PINX1: variants seen among roughly 807,000 people sequenced by gnomAD.
PINX1 encodes the protein PIN2/TERF1-interacting telomerase inhibitor 1.
In PINX1, 34 loss-of-function variants were observed where a neutral mutation model predicts 25.4. That is an observed-to-expected ratio of 1.34 (90% confidence interval 1.02 to 1.78). The LOEUF (loss-of-function observed/expected upper bound fraction) is 1.78, where lower values mean the gene tolerates loss of function less well. Among genes scored for constraint, PINX1 ranks in the 40% most tolerant of loss-of-function variants. The probability of loss-of-function intolerance (pLI) is 0.00; values close to 1 mark genes in which losing one functional copy is unlikely to be tolerated. For synonymous variants in PINX1, 197 were observed against 147.7 expected (o/e 1.33, Z -2.42); for missense variants, 592 against 404.9 (o/e 1.46, Z -3.97).
intron 4 of PINX1, among the ~76,000 whole-genome samples, chr8:10,827,830 G>C (rs1284118131): frequency 6.8e-6 from 1 of 146,316 alleles, no homozygotes; most frequent in Non-Finnish European, 1.5e-5. Flanking sequence ...AGAATGGCGT[G>C]AACCTGGGAG....
At chr8:10,823,247 G>A (rs535660544) in intron 5 of PINX1, among the ~76,000 whole-genome samples, 10 of 152,230 alleles carry the variant, frequency 6.6e-5, no homozygotes, top group African/African-American at 2.4e-4. Context: ...ACATGCGTTA[G>A]GCATGTAGTT....
intron 4 of PINX1, among the ~76,000 whole-genome samples, chr8:10,830,890 A>C (rs6982769): frequency 0.44 from 66,167 of 152,040 alleles, 16,188 homozygotes; most frequent in African/African-American, 0.66. Flanking sequence ...ACAGTACGGC[A>C]GCTCCTCAAA....
rs191887187 is a variant in PINX1 at position 10,814,099 on chromosome 8, A to G, written c.471+6094T>C. Among the ~76,000 whole-genome samples, 221 of 152,306 alleles carry G rather than the reference A, an allele frequency of 1.5e-3. 1 individual carries two copies. The highest frequency in any genetic ancestry group is 2.2e-3 in the Non-Finnish European group (150 of 68,030). ...CAAGGGGCCCTGGGAATCTCAATTC[A>G]TTATCTTCGATCATTTCTTTGTCTC... On this transcript the variant is annotated intron_variant, in intron 6 of 6. Transcript: ENST00000314787.
At chr8:10,824,241 G>C (rs1373911634) in intron 5 of PINX1, among the ~76,000 whole-genome samples, 1 of 152,152 alleles carries the variant, frequency 6.6e-6, no homozygotes, top group African/African-American at 2.4e-5. Context: ...GCGAGTAATG[G>C]CCAGAGTGAG....
In PINX1 at chr8:10,780,031, C is replaced by G. The variant is rs545118115; in HGVS notation, c.472-14115G>C. 2.6e-5 allele frequency among the ~76,000 whole-genome samples: 4 copies of G among 152,254 alleles called. No homozygotes were observed. In the South Asian group the frequency reaches 8.3e-4, roughly 32 times the overall value. On this transcript the variant is annotated intron_variant, in intron 6 of 6. Transcript: ENST00000314787. The stretch of plus-strand genomic sequence containing the variant: ...ATCTCAACAGTACTCAGGTCATTAT[C>G]TGTGTATAGAGATACCAGAGATTTT...
chr8:10,774,522 C>T (rs1801327787), intron 6 of PINX1, among the ~76,000 whole-genome samples: 1 of 152,150 alleles, frequency 6.6e-6, no homozygotes, highest in African/African-American at 2.4e-5. Flanking sequence ...CTCAGGTGAT[C>T]CACCCGCCTC....
chr8:10,782,807 T>C (rs1267464774), intron 6 of PINX1, among the ~76,000 whole-genome samples: 5 of 152,028 alleles, frequency 3.3e-5, no homozygotes, highest in African/African-American at 7.2e-5. Flanking sequence ...ATAAAGATAA[T>C]AGCTGCAATG....
At chr8:10,787,744 C>G (rs1801796985) in intron 6 of PINX1, 4 of 452,750 alleles carry the variant, frequency 8.8e-6, no homozygotes, top group Non-Finnish European at 1.3e-5. Flanking sequence ...ACATTAAAGC[C>G]CACTGGGAAG....
rs766139889 is a variant in PINX1, at chr8:10,832,918, C to A, written c.196G>T (p.Gly66Ter). ...IKVQVKNNHL[G>*]LGATINNEDN... ...TCATTATTGATGGTAGCTCCGAGTC[C>A]CAGGTGGTTATTTTTCACTTGAACT... Residue 66 changes from glycine (G) to a stop codon, truncating the protein, a stop_gained, in exon 3 of 7, where the codon GGA (glycine) becomes TGA (stop). Transcript: ENST00000314787. LOFTEE classifies it high-confidence loss of function. 96 of 1,611,356 alleles carry A rather than the reference C, an allele frequency of 6.0e-5. No individual in the cohort carries two copies.
chr8:10,766,443 T>G (rs1801049488), intron 6 of PINX1, among the ~76,000 whole-genome samples: 1 of 152,218 alleles, frequency 6.6e-6, no homozygotes, highest in Admixed American at 6.5e-5. Context: ...CATTCCACCC[T>G]GGAACCTGGC....
intron 6 of PINX1, among the ~76,000 whole-genome samples, chr8:10,773,580 G>A (rs1240047422): frequency 2.0e-5 from 3 of 152,204 alleles, no homozygotes; most frequent in Non-Finnish European, 2.9e-5. Flanking sequence ...CTGGACTTTA[G>A]TAGAGAAATA....
At chr8:10,805,354 AAG>A (rs1202041031) in intron 6 of PINX1, among the ~76,000 whole-genome samples, 22 of 152,372 alleles carry the variant, frequency 1.4e-4, no homozygotes, top group African/African-American at 5.0e-4. Context: ...ATGTTTCAGT[AAG>A]ATAAGTTAGG....
At chr8:10,832,659 T>C (rs755894042) in intron 3 of PINX1, among the ~76,000 whole-genome samples, 8 of 152,228 alleles carry the variant, frequency 5.3e-5, no homozygotes, top group Non-Finnish European at 8.8e-5. Context: ...ACAAAACTTT[T>C]CAGTTTAGAT....
chr8:10,835,292 G>A (rs1745797498), intron 1 of PINX1, among the ~76,000 whole-genome samples: 1 of 152,242 alleles, frequency 6.6e-6, no homozygotes, highest in Non-Finnish European at 1.5e-5. Context: ...CCCAACGAGT[G>A]TGGATAGTAC....
intron 4 of PINX1, 60 bp from the exon 5 acceptor site, chr8:10,826,304 C>T: frequency 1.1e-6 from 1 of 891,290 alleles, no homozygotes; most frequent in East Asian, 2.6e-5. Flanking sequence ...ATTTATTCTC[C>T]TAACAGTGGA....
At chr8:10,836,927 G>C (rs10088888) in intron 1 of PINX1, among the ~76,000 whole-genome samples, 27,029 of 144,742 alleles carry the variant, frequency 0.19, 2,483 homozygotes, top group Middle Eastern at 0.21. Flanking sequence ...GTAAGGAAAA[G>C]ACTGCCTCTG....
intron 6 of PINX1, among the ~76,000 whole-genome samples, chr8:10,805,581 T>A (rs55881057): frequency 7.0e-5 from 7 of 99,640 alleles, no homozygotes; most frequent in African/African-American, 1.7e-4. Context: ...GCTGAGGGGG[T>A]GACAGAGCAC....
intron 3 of PINX1, 38 bp downstream of exon 3, chr8:10,832,854 T>TC: frequency 2.4e-6 from 3 of 1,244,274 alleles, no homozygotes; most frequent in Non-Finnish European, 3.5e-6. Flanking sequence ...TGAAGCCAAT[T>TC]ATGCAAAGAC....
rs1186561268 is a variant in PINX1, at chr8:10,765,655, C to T, written c.733G>A (p.Ala245Thr). 30 of 1,613,890 alleles carry T rather than the reference C, an allele frequency of 1.9e-5. No individual in the cohort carries two copies. Among genetic ancestry groups the T allele is most frequent in the Non-Finnish European group, 2.4e-5 (28 of 1,179,916 alleles). Reference sequence around the variant, plus strand: ...TTCTTCTTGGCCACTCGCTCCTGGGCCTCGGCCCTCTCGGGCTTTCCCTCC... The same window carrying T: ...TTCTTCTTGGCCACTCGCTCCTGGGTCTCGGCCCTCTCGGGCTTTCCCTCC... ...HTEGKPERAE[A>T]QERVAKKKSA... Residue 245 changes from alanine (A) to threonine (T), a missense_variant, in exon 7 of 7, where the codon GCC becomes ACC. Physicochemically the swap from Ala to Thr is moderately conservative, Grantham distance 58 (BLOSUM62 0). Transcript: ENST00000314787.
Sources: allele counts gnomAD v4.1 joint callset (sites outside exome capture counted in the v4.1 genomes callset), GRCh38; gene constraint gnomAD v4.1.1; transcripts MANE v1.5; gene names NCBI Gene and HGNC (gene_info 2026-07-23, HGNC 2026-07-21).